The following YWHAG variants were observed in gnomAD, a reference collection of about 807,000 sequenced individuals.
The protein encoded by YWHAG is 14-3-3 protein gamma.
YWHAG carries 1 observed loss-of-function variant against 23.3 expected under a neutral mutation model. That is an observed-to-expected ratio of 0.04 (90% confidence interval 0.02 to 0.20). YWHAG has a LOEUF of 0.20. Ranked by LOEUF, YWHAG falls within the 10% of genes least tolerant of loss-of-function variation. YWHAG has a pLI of 1.00. For synonymous variants in YWHAG, 160 were observed against 144.0 expected, an observed-to-expected ratio of 1.11 and a Z score of -0.80; for missense variants, 151 against 338.6, an observed-to-expected ratio of 0.45 and a Z score of 4.35.
rs763050846 is a variant in YWHAG, at chr7:76,358,832, GAGA to G, written c.-27_-25del. 4.4e-6 allele frequency: 7 copies of G among 1,581,362 alleles called. No homozygotes were observed. The highest frequency in any genetic ancestry group is 1.8e-5 in the Admixed American group (1 of 56,506). On this transcript the variant is annotated 5_prime_UTR_variant, in exon 1 of 2. Coordinates refer to ENST00000307630, the MANE Select transcript of YWHAG (RefSeq NM_012479.4). ...ATCTTCGCGGGGCTGGGTCTGGCCG[GAGA>G]AGGAGGAGGACACTGGGGCGGCCTG...
chr7:76,332,795 C>A (rs182038023), intron 1 of YWHAG, among the ~76,000 whole-genome samples: 1 of 151,992 alleles, frequency 6.6e-6, no homozygotes, highest in Non-Finnish European at 1.5e-5. Flanking sequence ...CAACCTCCCC[C>A]CAAGTTCAAG....
At chr7:76,332,849 G>A (rs745617289) in intron 1 of YWHAG, among the ~76,000 whole-genome samples, 4 of 152,194 alleles carry the variant, frequency 2.6e-5, no homozygotes, top group South Asian at 2.1e-4. Flanking sequence ...GATTACAGGC[G>A]TGTGCCACCA....
chr7:76,340,877 T>C (rs1803682449), intron 1 of YWHAG, among the ~76,000 whole-genome samples: 1 of 152,168 alleles, frequency 6.6e-6, no homozygotes, highest in African/African-American at 2.4e-5. Flanking sequence ...CATAAGTCCA[T>C]ACAAAATTCT....
intron 1 of YWHAG, among the ~76,000 whole-genome samples, chr7:76,336,646 G>GCT (rs1803620308): frequency 6.6e-6 from 1 of 151,968 alleles, no homozygotes; most frequent in Non-Finnish European, 1.5e-5. Context: ...AGTAGAGACA[G>GCT]GGTTTCACCA....
chr7:76,345,420 T>C (rs1209036933), intron 1 of YWHAG, among the ~76,000 whole-genome samples: 3 of 151,792 alleles, frequency 2.0e-5, no homozygotes, highest in Non-Finnish European at 2.9e-5. Flanking sequence ...TCTCCTGACC[T>C]CGTGATCCAC....
chr7:76,353,213 A>AT (rs1427601333), intron 1 of YWHAG, among the ~76,000 whole-genome samples: 2 of 151,918 alleles, frequency 1.3e-5, no homozygotes, highest in South Asian at 2.1e-4. Flanking sequence ...TCTTTTGGGA[A>AT]TTTTTTTTCT....
At chr7:76,336,607 A>G (rs1353231141) in intron 1 of YWHAG, among the ~76,000 whole-genome samples, 1 of 151,636 alleles carries the variant, frequency 6.6e-6, no homozygotes, top group Non-Finnish European at 1.5e-5. Flanking sequence ...GGCACCCACC[A>G]CCACGCCTGG....
At chr7:76,342,156 A>G (rs1803706117) in intron 1 of YWHAG, among the ~76,000 whole-genome samples, 1 of 152,192 alleles carries the variant, frequency 6.6e-6, no homozygotes, top group African/African-American at 2.4e-5. Flanking sequence ...TATCCTCTCC[A>G]AAAAGGTGAA....
At chr7:76,353,089 CAGAA>C (rs1250419177) in intron 1 of YWHAG, among the ~76,000 whole-genome samples, 1 of 152,198 alleles carries the variant, frequency 6.6e-6, no homozygotes, top group Non-Finnish European at 1.5e-5. Flanking sequence ...GTTCTTTAAA[CAGAA>C]AGAAAAGACT....
At chr7:76,331,837 CA>C (rs113722786) in intron 1 of YWHAG, among the ~76,000 whole-genome samples, 70 of 140,416 alleles carry the variant, frequency 5.0e-4, no homozygotes, top group African/African-American at 8.8e-4. Context: ...GGCCCCATCT[CA>C]AAAAAAAAAA....
Position 76,358,899 on chromosome 7 carries a change from G to A in YWHAG, c.-91C>T. ...GCGCGACTGGAGCCCAAGTGCCGGA[G>A]AGGACCGACCCACAGAGCGAGCAGC... is the stretch of plus-strand genomic sequence containing the variant. On this transcript the variant is annotated 5_prime_UTR_variant, in exon 1 of 2. Transcript: ENST00000307630. 4 of 1,282,916 alleles carry A rather than the reference G, an allele frequency of 3.1e-6. No individual in the cohort carries two copies. Among genetic ancestry groups the A allele is most frequent in the Admixed American group, 2.5e-5 (1 of 40,556 alleles). The allele number at this position is 1,282,916 out of a possible 1,614,324, so 79.5% of individuals were successfully genotyped here.
chr7:76,340,373 T>G (rs907190683), intron 1 of YWHAG, among the ~76,000 whole-genome samples: 2 of 152,228 alleles, frequency 1.3e-5, no homozygotes, highest in Non-Finnish European at 2.9e-5. Flanking sequence ...TATGAGCATT[T>G]TTTTGTTTTG....
At chr7:76,345,311 G>A (rs1045423453) in intron 1 of YWHAG, among the ~76,000 whole-genome samples, 4 of 150,240 alleles carry the variant, frequency 2.7e-5, no homozygotes, top group South Asian at 2.1e-4. Context: ...TCAGTCCCCC[G>A]AGCAGCTGGG....
chr7:76,355,223 T>C (rs572566800), intron 1 of YWHAG, among the ~76,000 whole-genome samples: 19 of 152,238 alleles, frequency 1.2e-4, no homozygotes, highest in South Asian at 4.1e-4. Flanking sequence ...ACGCAACTTT[T>C]ACCTCGATAA....
chr7:76,344,600 C>A (rs1563665994), intron 1 of YWHAG, among the ~76,000 whole-genome samples: 1 of 152,204 alleles, frequency 6.6e-6, no homozygotes. Flanking sequence ...TCATCTCTTT[C>A]AGGTCTGATC....
chr7:76,338,605 A>C (rs73703139), intron 1 of YWHAG, among the ~76,000 whole-genome samples: 1,912 of 152,314 alleles, frequency 0.013, 42 homozygotes, highest in African/African-American at 0.043. Context: ...AACTTCTGCA[A>C]CACCACAGAG....
At chr7:76,348,085 A>C (rs1279025251) in intron 1 of YWHAG, among the ~76,000 whole-genome samples, 1 of 152,210 alleles carries the variant, frequency 6.6e-6, no homozygotes. Context: ...CTCAAGGTTA[A>C]CCAATGGAAA....
chr7:76,354,781 A>C (rs1388317950), intron 1 of YWHAG, among the ~76,000 whole-genome samples: 1 of 152,212 alleles, frequency 6.6e-6, no homozygotes, highest in Non-Finnish European at 1.5e-5. Context: ...CTTAGGGCTG[A>C]AAACGAGTCA....
chr7:76,358,366 G>C (rs1221943334), intron 1 of YWHAG, among the ~76,000 whole-genome samples: 1 of 152,176 alleles, frequency 6.6e-6, no homozygotes, highest in Non-Finnish European at 1.5e-5. Context: ...GCTAGGAGGA[G>C]GGGGGAAGTG....
Sources: allele counts gnomAD v4.1 joint callset (sites outside exome capture counted in the v4.1 genomes callset), GRCh38; gene constraint gnomAD v4.1.1; transcripts MANE v1.5; gene names NCBI Gene and HGNC (gene_info 2026-07-23, HGNC 2026-07-21).